Variants in CLVS2 observed in about 807,000 individuals in gnomAD.
CLVS2 encodes clavesin 2.
CLVS2 carries 19 observed loss-of-function variants against 29.0 expected under a neutral mutation model. The ratio of observed to expected loss-of-function variants is 0.66; its 90% CI spans 0.46 to 0.96. The LOEUF (loss-of-function observed/expected upper bound fraction) is 0.96. Among genes scored for constraint, CLVS2 ranks in the 40% least tolerant of loss-of-function variants. CLVS2 has a pLI of 0.00. For missense variants in CLVS2, 294 were observed against 404.1 expected (o/e 0.73, Z 2.34); for synonymous variants, 161 against 151.3 (o/e 1.06, Z -0.47).
At chr6:123,046,718 G>A (rs1006897277) in intron 3 of CLVS2, among the ~76,000 whole-genome samples, 4 of 151,828 alleles carry the variant, frequency 2.6e-5, no homozygotes, top group African/African-American at 9.7e-5. Flanking sequence ...CTTAATAGCT[G>A]GTGTTCCTTT....
chr6:123,006,265 G>A (rs748713588), intron 2 of CLVS2, among the ~76,000 whole-genome samples: 9 of 152,140 alleles, frequency 5.9e-5, no homozygotes, highest in Non-Finnish European at 7.3e-5. Flanking sequence ...AGCTTGTTGG[G>A]GGTTGAATAT....
In CLVS2 at chr6:123,066,280, T is replaced by C. The variant is rs1156625255; in HGVS notation, c.*2519T>C. ...ATGTCTATGAATAACCTATACACTATAGTTGTATGCCTATAAGCACTCCTA... is the reference window on the plus strand; with the variant it reads ...ATGTCTATGAATAACCTATACACTACAGTTGTATGCCTATAAGCACTCCTA... On this transcript the variant is annotated 3_prime_UTR_variant, in exon 6 of 6. Transcript: ENST00000275162. 6.6e-6 allele frequency: 1 copy of C among 151,754 alleles called. No individual in the cohort carries two copies. Among genetic ancestry groups the C allele is most frequent in the Non-Finnish European group, 1.5e-5 (1 of 67,788 alleles). 9.4% of individuals were successfully genotyped at this position (151,754 alleles called of 1,614,324 possible). A position where few individuals can be genotyped will look rare whatever the true frequency, so the allele number is the denominator to read the frequency against.
At chr6:123,063,159 T>A (rs1333096600) in intron 5 of CLVS2, among the ~76,000 whole-genome samples, 2 of 152,206 alleles carry the variant, frequency 1.3e-5, no homozygotes, top group Non-Finnish European at 2.9e-5. Context: ...CATACAAATT[T>A]TGATCTTTTG....
In CLVS2 at chr6:123,051,248, C is replaced by G. The variant is rs1035073981; in HGVS notation, c.675+2516C>G. Among the ~76,000 whole-genome samples, 3 of 152,104 alleles carry G rather than the reference C, an allele frequency of 2.0e-5. No homozygotes were observed. The East Asian group carries it at 5.8e-4, about 29-fold the overall frequency. Reference sequence around the variant, plus strand: ...TCAGGTGTGCAAGAATCACCTGCTTCATTTTCTTAAATTAAATTAAATTTG... The same window carrying G: ...TCAGGTGTGCAAGAATCACCTGCTTGATTTTCTTAAATTAAATTAAATTTG... On this transcript the variant is annotated intron_variant, in intron 4 of 5. Transcript: ENST00000275162.
rs181179472 is a variant in CLVS2 at position 123,040,794 on chromosome 6, G to T, written c.565-7828G>T. ...AAAAAGAAAAGAAAAGAAAAGAAAA[G>T]AAAAGAAAAGAATTGTTAATTACAA... On this transcript the variant is annotated intron_variant, in intron 3 of 5. Transcript: ENST00000275162. 2.7e-3 allele frequency among the ~76,000 whole-genome samples: 401 copies of T among 151,266 alleles called. 1 individual carries two copies. The highest frequency in any genetic ancestry group is 4.1e-3 in the Non-Finnish European group (277 of 67,944).
At chr6:123,009,144 A>T (rs1466084503) in intron 2 of CLVS2, among the ~76,000 whole-genome samples, 1 of 152,050 alleles carries the variant, frequency 6.6e-6, no homozygotes, top group Non-Finnish European at 1.5e-5. Flanking sequence ...AAATGTTTTC[A>T]CCTGAGTCAT....
chr6:123,038,089 G>A (rs1775179442), intron 3 of CLVS2, among the ~76,000 whole-genome samples: 1 of 152,098 alleles, frequency 6.6e-6, no homozygotes, highest in African/African-American at 2.4e-5. Flanking sequence ...GATCCTAAAG[G>A]TGGCCTGATC....
rs941343158 is a variant in CLVS2 at position 123,068,394 on chromosome 6, C to G, written c.*4633C>G. 6.6e-6 allele frequency: 1 copy of G among 151,546 alleles called. No individual in the cohort carries two copies. The highest frequency in any genetic ancestry group is 2.4e-5 in the African/African-American group (1 of 41,364). The allele number at this position is 151,546 out of a possible 1,614,324, so 9.4% of individuals were successfully genotyped here. ...GATATAGTGCATTTATTCTGTAAGA[C>G]TTATTTTACCTGGTGAACGAGATGG... On this transcript the variant is annotated 3_prime_UTR_variant, in exon 6 of 6. Transcript: ENST00000275162.
intron 2 of CLVS2, among the ~76,000 whole-genome samples, chr6:123,003,010 C>T (rs1405034867): frequency 6.6e-6 from 1 of 152,116 alleles, no homozygotes; most frequent in Non-Finnish European, 1.5e-5. Context: ...GCAACTTATT[C>T]CAAACTATAA....
intron 3 of CLVS2, among the ~76,000 whole-genome samples, chr6:123,037,092 C>G (rs1775164864): frequency 6.6e-6 from 1 of 151,424 alleles, no homozygotes; most frequent in Admixed American, 6.6e-5. Flanking sequence ...TTTTGCTTTT[C>G]TACATCTCTA....
intron 3 of CLVS2, among the ~76,000 whole-genome samples, chr6:123,025,312 T>A (rs1161635605): frequency 1.3e-5 from 2 of 152,132 alleles, no homozygotes; most frequent in Non-Finnish European, 1.5e-5. Context: ...TTAGCTGTGA[T>A]CTGATTCACA....
intron 3 of CLVS2, among the ~76,000 whole-genome samples, chr6:123,029,374 G>T (rs1348521399): frequency 2.0e-5 from 3 of 152,162 alleles, no homozygotes; most frequent in Non-Finnish European, 4.4e-5. Context: ...AAAGCCATTA[G>T]TTCTTGCTTA....
intron 2 of CLVS2, among the ~76,000 whole-genome samples, chr6:123,007,349 G>A (rs867050440): frequency 6.6e-6 from 1 of 152,140 alleles, no homozygotes; most frequent in Non-Finnish European, 1.5e-5. Flanking sequence ...ACTTCAAGGT[G>A]TATGAGACTA....
chr6:123,043,908 T>A (rs1775270407), intron 3 of CLVS2, among the ~76,000 whole-genome samples: 1 of 152,220 alleles, frequency 6.6e-6, no homozygotes, highest in Non-Finnish European at 1.5e-5. Context: ...TAGTTAGATA[T>A]GTGAGGCAAA....
At chr6:123,017,628 T>G (rs1774856876) in intron 3 of CLVS2, among the ~76,000 whole-genome samples, 1 of 152,102 alleles carries the variant, frequency 6.6e-6, no homozygotes, top group Non-Finnish European at 1.5e-5. Flanking sequence ...AGAATGTAGT[T>G]TGGCTGAGAG....
At chr6:123,019,195 A>G (rs1051131007) in intron 3 of CLVS2, among the ~76,000 whole-genome samples, 1 of 152,054 alleles carries the variant, frequency 6.6e-6, no homozygotes, top group Non-Finnish European at 1.5e-5. Flanking sequence ...ACGGACAATC[A>G]TGACAGGGGA....
At position 122,997,661 on chromosome 6, in the gene CLVS2, G is replaced by A; in HGVS notation, c.-117G>A. The A allele has an allele frequency of 5.3e-6, 5 of 949,132 alleles. No individual in the cohort carries two copies. The highest frequency in any genetic ancestry group is 1.6e-5 in the South Asian group (1 of 63,384). The allele number at this position is 949,132 out of a possible 1,614,324, so 58.8% of individuals were successfully genotyped here. On this transcript the variant is annotated 5_prime_UTR_variant, in exon 2 of 6. Coordinates refer to ENST00000275162, the MANE Select transcript of CLVS2 (RefSeq NM_001010852.4). ...CCAAGATTATTAATTTCCTGTAGGG[G>A]AGAGGAAGCAGGCAGCAGGAGGTCT...
intron 3 of CLVS2, among the ~76,000 whole-genome samples, chr6:123,039,943 C>T (rs1381002258): frequency 6.6e-6 from 1 of 152,096 alleles, no homozygotes; most frequent in Non-Finnish European, 1.5e-5. Flanking sequence ...TCAGACATTT[C>T]ACTCCATATG....
chr6:123,040,885 T>A (rs1775220270), intron 3 of CLVS2, among the ~76,000 whole-genome samples: 1 of 152,196 alleles, frequency 6.6e-6, no homozygotes, highest in Non-Finnish European at 1.5e-5. Context: ...TTCATACAGT[T>A]TTTTTCAGAG....
Sources: gnomAD v4.1 joint callset for allele counts (sites outside exome capture counted in the v4.1 genomes callset) on GRCh38, gnomAD v4.1.1 for gene constraint, MANE v1.5 for transcripts, NCBI Gene and HGNC (gene_info 2026-07-23, HGNC 2026-07-21) for gene names.